Variants in PHACTR3 observed in about 807,000 individuals in gnomAD.
PHACTR3 encodes phosphatase and actin regulator 3, also known as protein phosphatase 1, regulatory subunit 123.
PHACTR3 carries 16 observed loss-of-function variants against 66.8 expected under a neutral mutation model. The ratio of observed to expected loss-of-function variants is 0.24; its 90% CI spans 0.16 to 0.36. The LOEUF is 0.36. Among genes scored for constraint, PHACTR3 ranks in the 10% least tolerant of loss-of-function variants. The probability of loss-of-function intolerance (pLI) is 1.00; values close to 1 mark genes in which losing one functional copy is unlikely to be tolerated. For synonymous variants in PHACTR3, 323 were observed against 292.1 expected (o/e 1.11, Z -1.08); for missense variants, 647 against 719.9 (o/e 0.90, Z 1.16).
At chr20:59,831,331 A>C (rs2042368180) in intron 8 of PHACTR3, among the ~76,000 whole-genome samples, 1 of 152,090 alleles carries the variant, frequency 6.6e-6, no homozygotes, top group African/African-American at 2.4e-5. Flanking sequence ...CCTCCCTGTC[A>C]TCCCCACCTC....
chr20:59,642,114 T>C (rs1345316400), intron 1 of PHACTR3, among the ~76,000 whole-genome samples: 8 of 152,050 alleles, frequency 5.3e-5, no homozygotes, highest in African/African-American at 1.9e-4. Context: ...GGTCCGGATG[T>C]AGAGAAGGCA....
At chr20:59,844,742 G>A (rs1339096928) in intron 11 of PHACTR3, 2 of 152,110 alleles carry the variant, frequency 1.3e-5, no homozygotes, top group African/African-American at 4.8e-5. Flanking sequence ...ACAATTAGAA[G>A]GAATAAGTTC....
intron 8 of PHACTR3, among the ~76,000 whole-genome samples, chr20:59,824,802 G>C (rs1006269438): frequency 6.6e-6 from 1 of 152,170 alleles, no homozygotes. Flanking sequence ...GAGGGGCTCT[G>C]TCTACACTCC....
intron 1 of PHACTR3, among the ~76,000 whole-genome samples, chr20:59,719,458 C>T (rs941154724): frequency 2.0e-5 from 3 of 152,282 alleles, no homozygotes; most frequent in African/African-American, 7.2e-5. Flanking sequence ...CCACCGCTCC[C>T]GGTCTCTTAG....
intron 1 of PHACTR3, among the ~76,000 whole-genome samples, chr20:59,655,150 T>C (rs2035577173): frequency 6.6e-6 from 1 of 152,090 alleles, no homozygotes; most frequent in Non-Finnish European, 1.5e-5. Flanking sequence ...TTCCAAATAG[T>C]TCTAAGTGGC....
intron 8 of PHACTR3, among the ~76,000 whole-genome samples, chr20:59,810,248 C>T (rs182585803): frequency 2.0e-4 from 31 of 152,370 alleles, no homozygotes; most frequent in African/African-American, 7.2e-4. Flanking sequence ...ATACCCCAAA[C>T]GCCCCCCTAT....
Position 59,718,834 on chromosome 20 carries a change from C to T in PHACTR3, c.119-24273C>T, listed in dbSNP as rs185444367. On this transcript the variant is annotated intron_variant, in intron 1 of 12. Transcript: ENST00000371015. ...TATTTCAGCCTTGCGGAGATGGCGG[C>T]GTATGTCTATCCTGTGTTGCAAGCA... 3.1e-3 allele frequency among the ~76,000 whole-genome samples: 476 copies of T among 152,328 alleles called. 3 individuals are homozygous for T. The highest frequency in any genetic ancestry group is 6.4e-3 in the South Asian group (31 of 4,830).
rs2038365426 is a variant in PHACTR3 at position 59,722,765 on chromosome 20, CAG to C, written c.119-20341_119-20340del. Among the ~76,000 whole-genome samples the C allele has an allele frequency of 3.3e-5, 5 of 152,030 alleles. No individual in the cohort carries two copies. The South Asian group carries it at 6.3e-4, about 19-fold the overall frequency. ...GCAGCCATGGCGGAAGAGGAGCCCT[CAG>C]GGGTTTGGGAGAGGTTAGCAAATAC... On this transcript the variant is annotated intron_variant, in intron 1 of 12. Coordinates refer to ENST00000371015, the MANE Select transcript of PHACTR3 (RefSeq NM_080672.5).
chr20:59,668,952 C>A (rs575391481), intron 1 of PHACTR3, among the ~76,000 whole-genome samples: 1 of 148,586 alleles, frequency 6.7e-6, no homozygotes, highest in Admixed American at 6.8e-5. Context: ...TTCACCATGT[C>A]GGCCAGGCTG....
intron 7 of PHACTR3, among the ~76,000 whole-genome samples, chr20:59,788,251 A>C (rs2040982574): frequency 6.6e-6 from 1 of 152,120 alleles, no homozygotes; most frequent in Admixed American, 6.6e-5. Flanking sequence ...ATAGCCTCCA[A>C]TCTCATCCAC....
chr20:59,732,496 A>G (rs1326731310), intron 1 of PHACTR3, among the ~76,000 whole-genome samples: 5 of 152,172 alleles, frequency 3.3e-5, no homozygotes, highest in Admixed American at 3.3e-4. Context: ...CCAGGGGCCA[A>G]TTATTCACTC....
chr20:59,812,809 G>C (rs1475121107), intron 8 of PHACTR3, among the ~76,000 whole-genome samples: 1 of 152,190 alleles, frequency 6.6e-6, no homozygotes, highest in Non-Finnish European at 1.5e-5. Flanking sequence ...AGGGTCTGCC[G>C]TGACGCTGGG....
At chr20:59,580,706 C>G (rs1415803469) in intron 1 of PHACTR3, among the ~76,000 whole-genome samples, 2 of 152,226 alleles carry the variant, frequency 1.3e-5, no homozygotes, top group East Asian at 3.9e-4. Context: ...GCCTTGTTTC[C>G]TGGCTCAGCT....
chr20:59,707,091 AG>A (rs2037734071), intron 1 of PHACTR3, among the ~76,000 whole-genome samples: 1 of 152,256 alleles, frequency 6.6e-6, no homozygotes, highest in South Asian at 2.1e-4. Flanking sequence ...TGGTTCACCG[AG>A]CTGAAAAGCT....
intron 7 of PHACTR3, among the ~76,000 whole-genome samples, chr20:59,777,737 A>C (rs2040586447): frequency 6.6e-6 from 1 of 152,150 alleles, no homozygotes; most frequent in South Asian, 2.1e-4. Context: ...TCATGCTGGT[A>C]TCTGTCTGTG....
At chr20:59,635,160 T>TCCTTTC (rs1376818786) in intron 1 of PHACTR3, among the ~76,000 whole-genome samples, 1 of 67,254 alleles carries the variant, frequency 1.5e-5, no homozygotes, top group Non-Finnish European at 2.8e-5. Flanking sequence ...TTTCTTTCTT[T>TCCTTTC]CTTTCTTTCC....
At chr20:59,594,103 C>G (rs2033260539) in intron 1 of PHACTR3, among the ~76,000 whole-genome samples, 1 of 152,182 alleles carries the variant, frequency 6.6e-6, no homozygotes, top group African/African-American at 2.4e-5. Context: ...TTGACAATAT[C>G]CATGAACATG....
intron 8 of PHACTR3, among the ~76,000 whole-genome samples, chr20:59,834,650 C>T (rs8117416): frequency 7.5e-4 from 114 of 152,274 alleles, no homozygotes; most frequent in African/African-American, 2.4e-3. Flanking sequence ...AGTTAAGAGA[C>T]GCTATGGTCT....
At chr20:59,586,649 T>C (rs2033037909) in intron 1 of PHACTR3, among the ~76,000 whole-genome samples, 1 of 152,196 alleles carries the variant, frequency 6.6e-6, no homozygotes, top group Non-Finnish European at 1.5e-5. Context: ...GTGCAGAATA[T>C]TGTACACTGA....
Sources: gnomAD v4.1 joint callset for allele counts (sites outside exome capture counted in the v4.1 genomes callset) on GRCh38, gnomAD v4.1.1 for gene constraint, MANE v1.5 for transcripts, NCBI Gene and HGNC (gene_info 2026-07-23, HGNC 2026-07-21) for gene names.